The following CMIP variants were observed in gnomAD, a reference collection of about 807,000 sequenced individuals.
CMIP encodes the protein c-Maf inducing protein.
A neutral mutation model predicts 97.3 loss-of-function variants in CMIP; 13 were observed. That is an observed-to-expected ratio of 0.13 (90% CI 0.09 to 0.21). The LOEUF (loss-of-function observed/expected upper bound fraction) is 0.21, where lower values mean the gene tolerates loss of function less well. Among genes scored for constraint, CMIP ranks in the 10% least tolerant of loss-of-function variants. The pLI is 1.00. For synonymous variants in CMIP, 538 were observed against 436.3 expected, an observed-to-expected ratio of 1.23 and a Z score of -2.91; for missense variants, 847 against 1,024.9, an observed-to-expected ratio of 0.83 and a Z score of 2.37.
chr16:81,641,511 T>G (rs1425003922), intron 3 of CMIP, among the ~76,000 whole-genome samples: 1 of 152,166 alleles, frequency 6.6e-6, no homozygotes, highest in Non-Finnish European at 1.5e-5. Context: ...GATGTGGTAC[T>G]CAGCTGGGAG....
chr16:81,559,465 G>C (rs1029133538), intron 1 of CMIP, among the ~76,000 whole-genome samples: 5 of 152,222 alleles, frequency 3.3e-5, no homozygotes, highest in African/African-American at 9.6e-5. Context: ...GTTCAGGTAA[G>C]GACAGAGAAG....
At chr16:81,513,899 C>G (rs1350306284) in intron 1 of CMIP, among the ~76,000 whole-genome samples, 1 of 152,228 alleles carries the variant, frequency 6.6e-6, no homozygotes, top group Admixed American at 6.5e-5. Context: ...CTGCGCTTCC[C>G]TCAGCCTAGG....
intron 1 of CMIP, among the ~76,000 whole-genome samples, chr16:81,500,301 T>TCCTTCCTTCCTTCCTTCCTG (rs1200431349): frequency 2.2e-5 from 3 of 133,498 alleles, no homozygotes; most frequent in African/African-American, 9.5e-5. Context: ...CTTCCTTCCT[T>TCCTTCCTTCCTTCCTTCCTG]CCTGCCTCCC....
intron 1 of CMIP, among the ~76,000 whole-genome samples, chr16:81,545,390 G>C (rs1219717145): frequency 6.6e-6 from 1 of 152,212 alleles, no homozygotes; most frequent in Non-Finnish European, 1.5e-5. Flanking sequence ...CAGAAGCTTA[G>C]GTTCTGTACT....
intron 1 of CMIP, among the ~76,000 whole-genome samples, chr16:81,502,912 C>T (rs538609507): frequency 6.6e-5 from 10 of 152,304 alleles, no homozygotes; most frequent in South Asian, 4.1e-4. Context: ...CCTGCAATGC[C>T]GGGTAATCAC....
At chr16:81,473,179 G>A (rs2150748790) in intron 1 of CMIP, among the ~76,000 whole-genome samples, 1 of 152,376 alleles carries the variant, frequency 6.6e-6, no homozygotes, top group South Asian at 2.1e-4. Context: ...GCCACCGCCT[G>A]CAAGTGCTTA....
rs1339064249 is a variant in CMIP, at chr16:81,620,825, G to C, written c.427-51G>C. On this transcript the variant is annotated intron_variant, in intron 2 of 20. Transcript: ENST00000537098. ...ACATGCTGGCCTTGAAATGCCCTGA[G>C]ATGCCGCAAGCTGATGACCGGACCT... 2.5e-6 allele frequency: 4 copies of C among 1,610,520 alleles called. No homozygotes were observed. The Admixed American group carries it at 5.0e-5, about 20-fold the overall frequency.
At chr16:81,500,189 T>C (rs1398719482) in intron 1 of CMIP, among the ~76,000 whole-genome samples, 2 of 152,156 alleles carry the variant, frequency 1.3e-5, no homozygotes, top group Non-Finnish European at 2.9e-5. Flanking sequence ...CATGACGCCA[T>C]GGGCTGTGGC....
chr16:81,498,456 C>T (rs916684931), intron 1 of CMIP, among the ~76,000 whole-genome samples: 4 of 152,208 alleles, frequency 2.6e-5, no homozygotes, highest in African/African-American at 9.6e-5. Context: ...GGCTGCTCGG[C>T]AGCTCTGAGG....
At chr16:81,703,630 G>A (rs551160168) in intron 17 of CMIP, among the ~76,000 whole-genome samples, 1 of 149,618 alleles carries the variant, frequency 6.7e-6, no homozygotes, top group South Asian at 2.1e-4. Flanking sequence ...CACACACACA[G>A]ACGCCTGTGG....
chr16:81,449,680 C>G (rs940688639), intron 1 of CMIP, among the ~76,000 whole-genome samples: 4 of 137,138 alleles, frequency 2.9e-5, no homozygotes, highest in East Asian at 4.7e-4. Context: ...CCCCCCCCCC[C>G]TTTCCATGCC....
At chr16:81,609,505 C>T (rs549867299) in intron 2 of CMIP, among the ~76,000 whole-genome samples, 308 of 152,322 alleles carry the variant, frequency 2.0e-3, no homozygotes, top group African/African-American at 7.0e-3. Flanking sequence ...CCCCTGTGCT[C>T]GGGGAGGCCC....
At position 81,467,611 on chromosome 16, in the gene CMIP, C is replaced by T. The variant is rs138218258; in HGVS notation, c.300+22070C>T. Among the ~76,000 whole-genome samples, 3,345 of 147,060 alleles carry T rather than the reference C, an allele frequency of 0.023. 215 individuals carry two copies. The East Asian group carries it at 0.28, about 12-fold the overall frequency. ...TTTTTTTTTTTTTGAGATGGAGTCT[C>T]GTTCTGTCACCCAGGCTGGAGTGCA... On this transcript the variant is annotated intron_variant, in intron 1 of 20. Transcript: ENST00000537098.
chr16:81,484,254 G>T (rs1316348471), intron 1 of CMIP, among the ~76,000 whole-genome samples: 1 of 152,186 alleles, frequency 6.6e-6, no homozygotes, highest in African/African-American at 2.4e-5. Flanking sequence ...TGGTGAAAAG[G>T]CCACAGCAGC....
intron 3 of CMIP, among the ~76,000 whole-genome samples, chr16:81,626,060 G>A (rs754012795): frequency 2.6e-4 from 40 of 152,246 alleles, no homozygotes; most frequent in Non-Finnish European, 5.3e-4. Context: ...GCCTGCCCTG[G>A]CCACGCTGCC....
At chr16:81,687,164 G>T (rs765218862) in intron 10 of CMIP, among the ~76,000 whole-genome samples, 57 of 152,212 alleles carry the variant, frequency 3.7e-4, no homozygotes, top group Middle Eastern at 6.8e-3. Context: ...TCATTGGCCC[G>T]GTCCCAGTGT....
In CMIP at chr16:81,445,076, CCCCCCGCGGGCAGCGCCCCCT is replaced by C. The variant is rs1905741499; in HGVS notation, c.-161_-141del. The C allele has an allele frequency of 7.8e-6, 2 of 255,188 alleles. No individual in the cohort carries two copies. The highest frequency in any genetic ancestry group is 5.5e-5 in the Admixed American group (1 of 18,096). The allele number at this position is 255,188 out of a possible 1,614,324, so 15.8% of individuals were successfully genotyped here. A position where few individuals can be genotyped will look rare whatever the true frequency, so the allele number is the denominator to read the frequency against. The stretch of plus-strand genomic sequence containing the variant: ...CCGGCCCAGCCCGCCGCACGCGCCG[CCCCCCGCGGGCAGCGCCCCCT>C]CCCCTGCGGGCGCCCCCAGCCCCAC... On this transcript the variant is annotated 5_prime_UTR_variant, in exon 1 of 21. Transcript: ENST00000537098.
At chr16:81,540,199 G>A (rs1185306407) in intron 1 of CMIP, among the ~76,000 whole-genome samples, 11 of 152,198 alleles carry the variant, frequency 7.2e-5, no homozygotes, top group Non-Finnish European at 1.3e-4. Flanking sequence ...GACCAGCATC[G>A]CTGGCCTTTT....
Position 81,664,362 on chromosome 16 carries a change from GC to G in CMIP, c.825+17del. 6.3e-7 allele frequency: 1 copy of G among 1,580,852 alleles called. No homozygotes were observed. On this transcript the variant is annotated intron_variant, in intron 7 of 20. Coordinates refer to ENST00000537098, the MANE Select transcript of CMIP (RefSeq NM_198390.3). ...CAAGCATAACATGGTGAGTCACCCT[GC>G]CCCAACACCCAGACCCCAGCGCCCA...
Sources: gnomAD v4.1 joint callset for allele counts (sites outside exome capture counted in the v4.1 genomes callset) on GRCh38, gnomAD v4.1.1 for gene constraint, MANE v1.5 for transcripts, NCBI Gene and HGNC (gene_info 2026-07-23, HGNC 2026-07-21) for gene names.